Variants in MAN2B2 observed in about 807,000 individuals in gnomAD.
MAN2B2 encodes mannosidase alpha class 2B member 2.
A neutral mutation model predicts 117.1 loss-of-function variants in MAN2B2; 106 were observed. That is an observed-to-expected ratio of 0.90 (90% CI 0.77 to 1.06). The LOEUF is 1.06. Ranked by LOEUF, MAN2B2 falls within the 50% of genes least tolerant of loss-of-function variation. The pLI is 0.00. For missense variants in MAN2B2, 1,326 were observed against 1,381.4 expected (o/e 0.96, Z 0.64); for synonymous variants, 544 against 595.1 (o/e 0.91, Z 1.25).
Position 6,610,008 on chromosome 4 carries a change from G to T in MAN2B2, c.2217G>T (p.Gln739His). The T allele has an allele frequency of 6.2e-7, 1 of 1,614,174 alleles. No individual in the cohort carries two copies. The highest frequency in any genetic ancestry group is 8.5e-7 in the Non-Finnish European group (1 of 1,180,026). Residue 739 changes from glutamine (Q) to histidine (H), a missense_variant, in exon 13 of 19, where the codon CAG (glutamine) becomes CAT (histidine). Transcript: ENST00000285599. Reference protein sequence around the residue: ...IYSDNNGYQMQRRPYVSYVNN... With the variant: ...IYSDNNGYQMHRRPYVSYVNN... Reference sequence around the variant, plus strand: ...CAGACAACAACGGCTACCAGATGCAGCGGAGGCCCTACGTTTCCTATGTGA... The same window carrying T: ...CAGACAACAACGGCTACCAGATGCATCGGAGGCCCTACGTTTCCTATGTGA...
At position 6,609,196 on chromosome 4, in the gene MAN2B2, A is replaced by T. The variant is rs757131179; in HGVS notation, c.1904A>T (p.Tyr635Phe). The change falls in exon 12 of 19, where the codon TAC (tyrosine) becomes TTC (phenylalanine). Residue 635 changes from tyrosine (Y) to phenylalanine (F), a missense_variant. Transcript: ENST00000285599. ...DVKQGPISDN[Y>F]LFTPGKAAVP... ...AAACAGGGCCCCATTTCCGATAACT[A>T]CCTGTTCACACCGGGCAAGGCCGCG... The T allele has an allele frequency of 6.2e-7, 1 of 1,614,068 alleles. No individual in the cohort carries two copies. The highest frequency in any genetic ancestry group is 1.1e-5 in the South Asian group (1 of 91,068).
At chr4:6,586,887 T>A (rs1726650107) in intron 3 of MAN2B2, 109 bp from the exon 4 acceptor site, 1 of 950,474 alleles carries the variant, frequency 1.1e-6, no homozygotes, top group Non-Finnish European at 1.6e-6. Flanking sequence ...CCTGGCCCAG[T>A]AGCTGGCACT....
intron 3 of MAN2B2, among the ~76,000 whole-genome samples, chr4:6,579,187 C>T (rs796320130): frequency 2.3e-5 from 2 of 88,462 alleles, no homozygotes; most frequent in Non-Finnish European, 2.6e-5. Flanking sequence ...CCATCACCAT[C>T]ACCAGCACCA....
chr4:6,586,972 A>T (rs1446401588), intron 3 of MAN2B2, 24 bp from the exon 4 acceptor site: 1 of 1,603,544 alleles, frequency 6.2e-7, no homozygotes, highest in East Asian at 2.2e-5. Context: ...TCCAGGCACC[A>T]GCAGGGTGTT....
chr4:6,584,671 A>C (rs995947648), intron 3 of MAN2B2, among the ~76,000 whole-genome samples: 3 of 152,172 alleles, frequency 2.0e-5, no homozygotes, highest in Admixed American at 1.3e-4. Flanking sequence ...GTTTCCACCA[A>C]GTTAGATTTG....
intron 3 of MAN2B2, among the ~76,000 whole-genome samples, chr4:6,583,685 G>C (rs1396758087): frequency 6.6e-6 from 1 of 152,270 alleles, no homozygotes; most frequent in Non-Finnish European, 1.5e-5. Flanking sequence ...TTTCAGAGCA[G>C]AAGTGGAAGT....
In MAN2B2 at chr4:6,621,072, G is replaced by A. The variant is rs1285453268; in HGVS notation, c.2933-116G>A. 2.0e-5 allele frequency: 14 copies of A among 711,390 alleles called. No homozygotes were observed. The South Asian group carries it at 2.2e-4, about 11-fold the overall frequency. 44.1% of individuals were successfully genotyped at this position (711,390 alleles called of 1,614,324 possible). A position where few individuals can be genotyped will look rare whatever the true frequency, so the allele number is the denominator to read the frequency against. On this transcript the variant is annotated intron_variant, in intron 18 of 18. Transcript: ENST00000285599. ...CACAGCAGATTGTAGACAGGTGCAG[G>A]AGGGTGAGAGGGAGGCTGGGAGCCA...
intron 5 of MAN2B2, among the ~76,000 whole-genome samples, chr4:6,589,808 G>A (rs914065926): frequency 6.6e-6 from 1 of 152,162 alleles, no homozygotes; most frequent in Non-Finnish European, 1.5e-5. Context: ...GGCTGGGTGC[G>A]GTGCCTCATG....
At chr4:6,584,407 T>C (rs1726555859) in intron 3 of MAN2B2, among the ~76,000 whole-genome samples, 1 of 152,244 alleles carries the variant, frequency 6.6e-6, no homozygotes, top group Non-Finnish European at 1.5e-5. Context: ...GGGCTTTCTA[T>C]ACCCATAGTC....
chr4:6,611,372 T>C (rs752751616), intron 15 of MAN2B2, 94 bp downstream of exon 15: 5 of 1,344,456 alleles, frequency 3.7e-6, no homozygotes, highest in Non-Finnish European at 5.0e-6. Flanking sequence ...CTCATGACTC[T>C]GGGCAGCTTT....
At chr4:6,607,493 C>T (rs753175014) in intron 11 of MAN2B2, among the ~76,000 whole-genome samples, 16 of 152,354 alleles carry the variant, frequency 1.1e-4, no homozygotes, top group Non-Finnish European at 2.1e-4. Context: ...GCTTGAGCCA[C>T]CATGCCCAAC....
chr4:6,600,529 C>A, intron 9 of MAN2B2, 94 bp from the exon 10 acceptor site: 1 of 1,467,134 alleles, frequency 6.8e-7, no homozygotes, highest in South Asian at 1.2e-5. Flanking sequence ...ATCTCACCTA[C>A]CTCAGTTTCC....
intron 3 of MAN2B2, among the ~76,000 whole-genome samples, chr4:6,583,962 G>A (rs1560638414): frequency 6.6e-6 from 1 of 152,166 alleles, no homozygotes; most frequent in South Asian, 2.1e-4. Flanking sequence ...GAGTGTCCCT[G>A]GAAGGTCAAA....
chr4:6,600,194 C>CAGAATT (rs1727271146), intron 9 of MAN2B2, among the ~76,000 whole-genome samples: 1 of 152,140 alleles, frequency 6.6e-6, no homozygotes, highest in Non-Finnish European at 1.5e-5. Context: ...TGGACTTGAC[C>CAGAATT]CTCTGGGCTC....
chr4:6,613,796 AAAGG>A (rs1711708148), intron 15 of MAN2B2, among the ~76,000 whole-genome samples: 1 of 138,016 alleles, frequency 7.2e-6, no homozygotes, highest in Non-Finnish European at 1.6e-5. Context: ...AAGAAGGAAG[AAAGG>A]AAGAGGGAGG....
chr4:6,579,256 T>TCAC (rs1560634839), intron 3 of MAN2B2, among the ~76,000 whole-genome samples: 1 of 7,892 alleles, frequency 1.3e-4, no homozygotes, highest in South Asian at 4.5e-3. Context: ...TTCACCACCA[T>TCAC]CACCACCACC....
intron 7 of MAN2B2, among the ~76,000 whole-genome samples, chr4:6,595,943 C>G (rs1241421201): frequency 6.6e-6 from 1 of 152,180 alleles, no homozygotes; most frequent in East Asian, 1.9e-4. Flanking sequence ...GGTGGGGCTG[C>G]ACACACGGGT....
chr4:6,615,439 G>C (rs16839021), intron 16 of MAN2B2, among the ~76,000 whole-genome samples: 4,719 of 152,154 alleles, frequency 0.031, 111 homozygotes, highest in African/African-American at 0.06. Flanking sequence ...TGGCTTTTGT[G>C]ATCTTGGGCA....
chr4:6,614,964 A>G (rs1711789824), intron 16 of MAN2B2, among the ~76,000 whole-genome samples: 1 of 152,198 alleles, frequency 6.6e-6, no homozygotes, highest in African/African-American at 2.4e-5. Context: ...CCTGCTGGGA[A>G]CTGACTTGTC....
Sources: gnomAD v4.1 joint callset for allele counts (sites outside exome capture counted in the v4.1 genomes callset) on GRCh38, gnomAD v4.1.1 for gene constraint, MANE v1.5 for transcripts, NCBI Gene and HGNC (gene_info 2026-07-23, HGNC 2026-07-21) for gene names.